The following ZIK1 variants were observed in gnomAD, a reference collection of about 807,000 sequenced individuals.
The protein encoded by ZIK1 is zinc finger protein interacting with ribonucleoprotein K.
In ZIK1, 12 loss-of-function variants were observed where a neutral mutation model predicts 10.7. The observed-to-expected ratio is 1.12, with a 90% CI of 0.72 to 1.81. The LOEUF is 1.81. ZIK1 is among the 40% of genes most tolerant of loss of function. The pLI is 0.00. For missense variants in ZIK1, 497 were observed against 585.7 expected, an observed-to-expected ratio of 0.85 and a Z score of 1.56; for synonymous variants, 190 against 205.0, an observed-to-expected ratio of 0.93 and a Z score of 0.63.
chr19:57,585,031 C>T (rs1463720714), intron 2 of ZIK1, 41 bp downstream of exon 2: 1 of 1,584,158 alleles, frequency 6.3e-7, no homozygotes, highest in African/African-American at 1.4e-5. Context: ...GTCCTGGCCC[C>T]ATCCTGGGGT....
Position 57,584,184 on chromosome 19 carries a change from C to T in ZIK1, c.-173C>T, listed in dbSNP as rs1433249767. 2.3e-6 allele frequency: 3 copies of T among 1,280,178 alleles called. No individual in the cohort carries two copies. Among genetic ancestry groups the T allele is most frequent in the Middle Eastern group, 2.8e-4 (1 of 3,592 alleles). 79.3% of individuals were successfully genotyped at this position (1,280,178 alleles called of 1,614,324 possible). ...TTGCAGCGCTTGGGTGCATCCAGAC[C>T]GTCAGAGCTTTGGGAGCGCTTTGTT... is the stretch of plus-strand genomic sequence containing the variant. On this transcript the variant is annotated 5_prime_UTR_variant, in exon 1 of 4. Coordinates refer to ENST00000597850, the MANE Select transcript of ZIK1 (RefSeq NM_001010879.4).
In ZIK1 at chr19:57,593,803, T is replaced by C. The variant is rs1204348473; in HGVS notation, c.*2528T>C. On this transcript the variant is annotated 3_prime_UTR_variant, in exon 4 of 4. Transcript: ENST00000597850. ...TCTAGTTGCCACCTGTATATCCTCTTTGGAAGAATGTTTATTAATGTCTTT... is the reference window on the plus strand; with the variant it reads ...TCTAGTTGCCACCTGTATATCCTCTCTGGAAGAATGTTTATTAATGTCTTT... 6.7e-6 allele frequency: 1 copy of C among 150,110 alleles called. No homozygotes were observed. The highest frequency in any genetic ancestry group is 1.5e-5 in the Non-Finnish European group (1 of 67,734). The allele number at this position is 150,110 out of a possible 1,614,324, so 9.3% of individuals were successfully genotyped here. A position where few individuals can be genotyped will look rare whatever the true frequency, so the allele number is the denominator to read the frequency against.
chr19:57,591,055 C>G lies in ZIK1; in HGVS notation c.1244C>G (p.Ser415Cys), dbSNP rs139497450. The G allele has an allele frequency of 2.0e-5, 33 of 1,613,682 alleles. No individual in the cohort carries two copies. In the Admixed American group the frequency reaches 5.3e-4, roughly 26 times the overall value. The change falls in exon 4 of 4, where the codon TCC (serine) becomes TGC (cysteine). Residue 415 changes from serine (S) to cysteine (C), a missense_variant. Coordinates refer to ENST00000597850, the MANE Select transcript of ZIK1 (RefSeq NM_001010879.4). The part of the protein sequence containing the change: ...RPYKCGDCGK[S>C]FSQSSILIQH... ...TATAAGTGTGGTGACTGTGGGAAATCCTTTAGTCAAAGCTCCATCCTTATT... is the reference window on the plus strand; with the variant it reads ...TATAAGTGTGGTGACTGTGGGAAATGCTTTAGTCAAAGCTCCATCCTTATT...
intron 3 of ZIK1, 70 bp downstream of exon 3, chr19:57,588,735 G>A (rs1272715069): frequency 7.3e-7 from 1 of 1,367,642 alleles, no homozygotes; most frequent in Non-Finnish European, 9.6e-7. Flanking sequence ...CCACTTTCTT[G>A]GGATATGTGC....
At chr19:57,584,926 C>T in intron 1 of ZIK1, 26 bp from the exon 2 acceptor site, 1 of 1,612,982 alleles carries the variant, frequency 6.2e-7, no homozygotes, top group Non-Finnish European at 8.5e-7. Context: ...GGTCACCTGC[C>T]TTTCATGATC....
Position 57,589,987 on chromosome 19 carries a change from T to G in ZIK1, c.200-24T>G, listed in dbSNP as rs1336461724. On this transcript the variant is annotated intron_variant, in intron 3 of 3. Transcript: ENST00000597850. The stretch of plus-strand genomic sequence containing the variant: ...GCTCTCAGCATAGTCAATGTATATT[T>G]CATCAGCGGTTCTCTGCTTTCAGGT... The G allele has an allele frequency of 1.9e-6, 3 of 1,603,786 alleles. No homozygotes were observed. The South Asian group carries it at 3.3e-5, about 18-fold the overall frequency.
intron 2 of ZIK1, among the ~76,000 whole-genome samples, chr19:57,587,027 G>A (rs1467530415): frequency 6.6e-6 from 1 of 152,172 alleles, no homozygotes; most frequent in African/African-American, 2.4e-5. Context: ...GGTGGAGGGT[G>A]AAAGGCATGT....
chr19:57,590,413 G>C lies in ZIK1; in HGVS notation c.602G>C (p.Gly201Ala). ...GKKPGTITEC[G>A]EDIRSQKSHY... ...AAACCCGGCACAATTACTGAATGTG[G>C]GGAGGACATTCGCAGTCAAAAAAGT... Residue 201 changes from glycine to alanine, a missense_variant, in exon 4 of 4, where the codon GGG becomes GCG. Transcript: ENST00000597850. 6.2e-7 allele frequency: 1 copy of C among 1,614,140 alleles called. No homozygotes were observed. Among genetic ancestry groups the C allele is most frequent in the Non-Finnish European group, 8.5e-7 (1 of 1,180,006 alleles).
chr19:57,591,168 C>G lies in ZIK1; in HGVS notation c.1357C>G (p.His453Asp). 6.2e-7 allele frequency: 1 copy of G among 1,614,234 alleles called. No individual in the cohort carries two copies. Among genetic ancestry groups the G allele is most frequent in the Non-Finnish European group, 8.5e-7 (1 of 1,180,046 alleles). The change falls in exon 4 of 4, where the codon CAC becomes GAC. Residue 453 changes from histidine (H) to aspartate (D), a missense_variant. Physicochemically the swap from His to Asp is moderately conservative, Grantham distance 81 (BLOSUM62 -1). Transcript: ENST00000597850. Reference protein sequence around the residue: ...SFSQKSGLIQHQVVHTGERPY... With the variant: ...SFSQKSGLIQDQVVHTGERPY... ...TAGCCAAAAGTCTGGTCTCATTCAA[C>G]ACCAAGTGGTTCACACTGGAGAAAG...
intron 2 of ZIK1, among the ~76,000 whole-genome samples, chr19:57,585,881 G>A (rs906534024): frequency 4.9e-5 from 7 of 141,488 alleles, no homozygotes; most frequent in South Asian, 2.3e-4. Context: ...CATGCCCAGC[G>A]AATTTTTTTT....
chr19:57,591,317 A>C lies in ZIK1; in HGVS notation c.*42A>C, dbSNP rs981218644. 4 of 1,544,986 alleles carry C rather than the reference A, an allele frequency of 2.6e-6. No individual in the cohort carries two copies. Among genetic ancestry groups the C allele is most frequent in the Non-Finnish European group, 3.5e-6 (4 of 1,143,376 alleles). The stretch of plus-strand genomic sequence containing the variant: ...GCAAATGTGGAAGCGCCTTCAACTC[A>C]AGATCTATCATCATTTAGCTCCTGA... On this transcript the variant is annotated 3_prime_UTR_variant, in exon 4 of 4. Transcript: ENST00000597850.
intron 3 of ZIK1, chr19:57,589,350 C>T (rs1979455057): frequency 1.0e-6 from 1 of 985,268 alleles, no homozygotes; most frequent in African/African-American, 1.7e-5. Context: ...CCTGTCCTGT[C>T]TTCACCACTG....
rs1377988847 is a variant in ZIK1 at position 57,592,824 on chromosome 19, TGTATAATTTGAAGA to T, written c.*1552_*1565del. ...TGCCATAGTTTACATCCATTTATGG[TGTATAATTTGAAGA>T]GTTTGTCATACAAGCCTGTGAAACC... On this transcript the variant is annotated 3_prime_UTR_variant, in exon 4 of 4. Coordinates refer to ENST00000597850, the MANE Select transcript of ZIK1 (RefSeq NM_001010879.4). The T allele has an allele frequency of 2.6e-5, 4 of 152,166 alleles. No homozygotes were observed. The highest frequency in any genetic ancestry group is 9.7e-5 in the African/African-American group (4 of 41,426). The allele number at this position is 152,166 out of a possible 1,614,324, so 9.4% of individuals were successfully genotyped here.
chr19:57,586,681 A>G (rs1416986877), intron 2 of ZIK1, among the ~76,000 whole-genome samples: 2 of 152,162 alleles, frequency 1.3e-5, no homozygotes, highest in Non-Finnish European at 2.9e-5. Flanking sequence ...TGGTCATGGG[A>G]AGATTGTAGG....
In ZIK1 at chr19:57,590,354, G is replaced by A; in HGVS notation, c.543G>A (p.Arg181=). The A allele has an allele frequency of 6.2e-7, 1 of 1,614,172 alleles. No homozygotes were observed. The part of the protein sequence containing the change: ...EVGKDLPAML[R]LLRSLVFPGG... Reference sequence around the variant, plus strand: ...GAAAGGACCTTCCAGCCATGTTGCGGCTTCTGAGGTCCCTGGTCTTTCCTG... The same window carrying A: ...GAAAGGACCTTCCAGCCATGTTGCGACTTCTGAGGTCCCTGGTCTTTCCTG... Residue 181 remains arginine (R), a synonymous_variant, in exon 4 of 4, where the codon CGG becomes CGA. Coordinates refer to ENST00000597850, the MANE Select transcript of ZIK1 (RefSeq NM_001010879.4).
Position 57,590,949 on chromosome 19 carries a change from G to C in ZIK1, c.1138G>C (p.Glu380Gln), listed in dbSNP as rs1182784139. 1.2e-6 allele frequency: 2 copies of C among 1,613,952 alleles called. No homozygotes were observed. Among genetic ancestry groups the C allele is most frequent in the East Asian group, 2.2e-5 (1 of 44,856 alleles). The change falls in exon 4 of 4, where the codon GAG becomes CAG. Residue 380 changes from glutamate (E) to glutamine (Q), a missense_variant. Physicochemically the swap from Glu to Gln is conservative, Grantham distance 29 (BLOSUM62 2). Coordinates refer to ENST00000597850, the MANE Select transcript of ZIK1 (RefSeq NM_001010879.4). ...RRIHTGAKPY[E>Q]CGQCGKSFSQ... Reference sequence around the variant, plus strand: ...AATTCACACTGGAGCAAAGCCTTATGAGTGTGGCCAGTGTGGGAAATCCTT... The same window carrying C: ...AATTCACACTGGAGCAAAGCCTTATCAGTGTGGCCAGTGTGGGAAATCCTT...
rs567670562 is a variant in ZIK1, at chr19:57,588,160, C to T, written c.73-379C>T. 6.6e-5 allele frequency among the ~76,000 whole-genome samples: 10 copies of T among 151,736 alleles called. No individual in the cohort carries two copies. In the South Asian group the frequency reaches 1.5e-3, roughly 22 times the overall value. Reference sequence around the variant, plus strand: ...AGGTAGCCGTGGGAGTGAGACTGAGCGAGTATGGTTCAAAGAATGATGTGT... The same window carrying T: ...AGGTAGCCGTGGGAGTGAGACTGAGTGAGTATGGTTCAAAGAATGATGTGT... On this transcript the variant is annotated intron_variant, in intron 2 of 3. Transcript: ENST00000597850.
At position 57,590,979 on chromosome 19, in the gene ZIK1, CA is replaced by C. The variant is rs1979644912; in HGVS notation, c.1173del (p.Ala392LeufsTer119). 2 of 1,614,018 alleles carry C rather than the reference CA, an allele frequency of 1.2e-6. No individual in the cohort carries two copies. The highest frequency in any genetic ancestry group is 2.7e-5 in the African/African-American group (2 of 75,008). The stretch of plus-strand genomic sequence containing the variant: ...TGGCCAGTGTGGGAAATCCTTTAGT[CA>C]AAAAGCTACCCTCATTAAACACCAG... The part of the protein sequence containing the change: ...ECGQCGKSFS[Q>X]KATLIKHQRV... On this transcript the variant is annotated frameshift_variant, in exon 4 of 4. Coordinates refer to ENST00000597850, the MANE Select transcript of ZIK1 (RefSeq NM_001010879.4). LOFTEE classifies it low-confidence loss of function (END_TRUNC).
rs1979804592 is a variant in ZIK1, at chr19:57,592,740, G to A, written c.*1465G>A. 1 of 152,148 alleles carries A rather than the reference G, an allele frequency of 6.6e-6. No individual in the cohort carries two copies. Among genetic ancestry groups the A allele is most frequent in the Admixed American group, 6.5e-5 (1 of 15,276 alleles). The allele number at this position is 152,148 out of a possible 1,614,324, so 9.4% of individuals were successfully genotyped here. A position where few individuals can be genotyped will look rare whatever the true frequency, so the allele number is the denominator to read the frequency against. On this transcript the variant is annotated 3_prime_UTR_variant, in exon 4 of 4. Transcript: ENST00000597850. ...AGGCATTCTGGTTTCTGAAAGTTGG[G>A]TGATCAGATACTTTATTGTGAAACA...
Sources: gnomAD v4.1 joint callset for allele counts (sites outside exome capture counted in the v4.1 genomes callset) on GRCh38, gnomAD v4.1.1 for gene constraint, MANE v1.5 for transcripts, NCBI Gene and HGNC (gene_info 2026-07-23, HGNC 2026-07-21) for gene names.